Variants in HHAT observed in about 807,000 individuals in gnomAD.
The protein encoded by HHAT is protein-cysteine N-palmitoyltransferase HHAT.
In HHAT, 47 loss-of-function variants were observed where a neutral mutation model predicts 70.8. The ratio of observed to expected loss-of-function variants is 0.66; its 90% CI spans 0.53 to 0.85. HHAT has a LOEUF of 0.85. HHAT is among the 40% of genes least tolerant of loss of function. The pLI, the probability that HHAT is intolerant of heterozygous loss-of-function variation, is 0.00. For synonymous variants in HHAT, 228 were observed against 247.6 expected, an observed-to-expected ratio of 0.92 and a Z score of 0.74; for missense variants, 609 against 604.8, an observed-to-expected ratio of 1.01 and a Z score of -0.07.
intron 7 of HHAT, among the ~76,000 whole-genome samples, chr1:210,452,506 G>A (rs913593142): frequency 2.0e-5 from 3 of 152,092 alleles, no homozygotes; most frequent in East Asian, 3.8e-4. Flanking sequence ...ACTCTCTCCC[G>A]TATTGTTTTG....
chr1:210,341,541 G>T (rs2086040879), intron 1 of HHAT, among the ~76,000 whole-genome samples: 2 of 152,156 alleles, frequency 1.3e-5, no homozygotes, highest in South Asian at 4.1e-4. Context: ...TTGCTCCATT[G>T]CTGGCTTCTC....
intron 7 of HHAT, among the ~76,000 whole-genome samples, chr1:210,449,545 C>T (rs3765843): frequency 0.35 from 52,598 of 152,022 alleles, 9,499 homozygotes; most frequent in South Asian, 0.47. Context: ...TTAATTCCTC[C>T]AAAACATCTC....
At chr1:210,513,327 A>C (rs1232758292) in intron 9 of HHAT, 139 bp downstream of exon 9, 12 of 521,662 alleles carry the variant, frequency 2.3e-5, no homozygotes, top group Non-Finnish European at 4.0e-5. Context: ...TGCTAACACT[A>C]TGGTTTTTTC....
At chr1:210,653,203 T>G (rs961471086) in intron 11 of HHAT, among the ~76,000 whole-genome samples, 2 of 152,108 alleles carry the variant, frequency 1.3e-5, no homozygotes, top group African/African-American at 4.8e-5. Context: ...GAAGGAACAG[T>G]GTGTGTAGTA....
At chr1:210,419,233 T>C (rs2357587) in intron 7 of HHAT, among the ~76,000 whole-genome samples, 73,139 of 151,934 alleles carry the variant, frequency 0.48, 17,667 homozygotes, top group South Asian at 0.56. Context: ...TACACTGTCT[T>C]GGGATAGAAT....
Position 210,666,458 on chromosome 1 carries a change from C to A in HHAT, c.1391-7830C>A, listed in dbSNP as rs143607278. On this transcript the variant is annotated intron_variant, in intron 11 of 11. Transcript: ENST00000261458. Reference sequence around the variant, plus strand: ...CCCTGCCCCTAGGAAGATGAAGGACCGAAGGTCCATCATTATTTTATTTTT... The same window carrying A: ...CCCTGCCCCTAGGAAGATGAAGGACAGAAGGTCCATCATTATTTTATTTTT... Among the ~76,000 whole-genome samples, 724 of 152,170 alleles carry A rather than the reference C, an allele frequency of 4.8e-3. 5 individuals carry two copies. Among genetic ancestry groups the A allele is most frequent in the Middle Eastern group, 0.024 (7 of 294 alleles).
chr1:210,627,721 G>A (rs1266860930), intron 11 of HHAT, among the ~76,000 whole-genome samples: 3 of 151,910 alleles, frequency 2.0e-5, no homozygotes, highest in Non-Finnish European at 2.9e-5. Flanking sequence ...CAGAAAATAA[G>A]GAATCTATGT....
At chr1:210,585,203 T>C (rs1357111378) in intron 9 of HHAT, among the ~76,000 whole-genome samples, 1 of 149,424 alleles carries the variant, frequency 6.7e-6, no homozygotes, top group Non-Finnish European at 1.5e-5. Context: ...GCTGTGTACC[T>C]TGGGCAAATT....
At chr1:210,436,039 C>G (rs2093367229) in intron 7 of HHAT, among the ~76,000 whole-genome samples, 2 of 151,818 alleles carry the variant, frequency 1.3e-5, no homozygotes, top group Admixed American at 1.3e-4. Flanking sequence ...TTGCCCAGAC[C>G]AGTGTCCTGG....
intron 11 of HHAT, among the ~76,000 whole-genome samples, chr1:210,667,590 A>G (rs2148975729): frequency 6.6e-6 from 1 of 152,224 alleles, no homozygotes; most frequent in South Asian, 2.1e-4. Flanking sequence ...AAGGTATACA[A>G]TTGGCTGAAT....
intron 8 of HHAT, among the ~76,000 whole-genome samples, chr1:210,510,764 G>A (rs2094939432): frequency 6.6e-6 from 1 of 152,196 alleles, no homozygotes; most frequent in Non-Finnish European, 1.5e-5. Flanking sequence ...ACAAAACATA[G>A]TACTTGCCAC....
chr1:210,532,584 A>AT (rs1558105348), intron 9 of HHAT, among the ~76,000 whole-genome samples: 1 of 152,184 alleles, frequency 6.6e-6, no homozygotes, highest in Non-Finnish European at 1.5e-5. Flanking sequence ...GCAAATTCCT[A>AT]TAAGCAACTG....
At chr1:210,579,744 C>T (rs1658776796) in intron 9 of HHAT, among the ~76,000 whole-genome samples, 1 of 152,176 alleles carries the variant, frequency 6.6e-6, no homozygotes, top group Non-Finnish European at 1.5e-5. Flanking sequence ...CCATACTTCG[C>T]CACTGTTGCT....
intron 10 of HHAT, among the ~76,000 whole-genome samples, chr1:210,592,680 C>G (rs546556660): frequency 2.6e-5 from 4 of 151,940 alleles, no homozygotes; most frequent in African/African-American, 9.6e-5. Context: ...GAATATCTTT[C>G]CATTTTTTGT....
intron 11 of HHAT, among the ~76,000 whole-genome samples, chr1:210,640,616 T>C (rs1209315777): frequency 6.6e-6 from 1 of 152,060 alleles, no homozygotes; most frequent in East Asian, 1.9e-4. Context: ...GCCAAAGCCC[T>C]AACATGGAAC....
At chr1:210,637,036 C>T (rs1194289674) in intron 11 of HHAT, among the ~76,000 whole-genome samples, 4 of 152,168 alleles carry the variant, frequency 2.6e-5, no homozygotes, top group African/African-American at 9.7e-5. Context: ...TTGAGAAAAA[C>T]ACCTACCTCG....
chr1:210,529,718 CA>C (rs2095293708), intron 9 of HHAT, among the ~76,000 whole-genome samples: 1 of 152,166 alleles, frequency 6.6e-6, no homozygotes, highest in Admixed American at 6.5e-5. Context: ...GAGAGACATG[CA>C]GCTTTCCCTG....
chr1:210,490,787 G>GA (rs1416263915), intron 8 of HHAT, among the ~76,000 whole-genome samples: 1 of 152,044 alleles, frequency 6.6e-6, no homozygotes, highest in African/African-American at 2.4e-5. Flanking sequence ...TCACTAATAG[G>GA]AAAAGAGACT....
intron 7 of HHAT, among the ~76,000 whole-genome samples, chr1:210,463,365 G>C (rs2094021411): frequency 6.6e-6 from 1 of 152,194 alleles, no homozygotes. Flanking sequence ...TGTCTCTATA[G>C]ATTTCCCTAT....
Sources: gnomAD v4.1 joint callset for allele counts (sites outside exome capture counted in the v4.1 genomes callset) on GRCh38, gnomAD v4.1.1 for gene constraint, MANE v1.5 for transcripts, NCBI Gene and HGNC (gene_info 2026-07-23, HGNC 2026-07-21) for gene names.